Variants in MIPOL1 observed in about 807,000 individuals in gnomAD.
The protein encoded by MIPOL1 is mirror-image polydactyly gene 1 protein.
In MIPOL1, 57 loss-of-function variants were observed where a neutral mutation model predicts 60.9. That is an observed-to-expected ratio of 0.94 (90% CI 0.76 to 1.17). The LOEUF (loss-of-function observed/expected upper bound fraction) is 1.17, where lower values mean the gene tolerates loss of function less well. Ranked by LOEUF, MIPOL1 falls within the 50% of genes most tolerant of loss-of-function variation. MIPOL1 has a pLI of 0.00. For missense variants in MIPOL1, 551 were observed against 511.6 expected, an observed-to-expected ratio of 1.08 and a Z score of -0.74; for synonymous variants, 179 against 168.8, an observed-to-expected ratio of 1.06 and a Z score of -0.47.
chr14:37,293,964 G>C (rs1038784263), intron 7 of MIPOL1, among the ~76,000 whole-genome samples: 4 of 152,190 alleles, frequency 2.6e-5, no homozygotes, highest in African/African-American at 7.2e-5. Flanking sequence ...GAGAGTAGTG[G>C]TTCTTCCAGC....
At chr14:37,410,537 G>C (rs527495621) in intron 10 of MIPOL1, among the ~76,000 whole-genome samples, 56 of 152,084 alleles carry the variant, frequency 3.7e-4, no homozygotes, top group Non-Finnish European at 6.9e-4. Context: ...ACAGGTACAT[G>C]GTTCTATAAG....
intron 10 of MIPOL1, among the ~76,000 whole-genome samples, chr14:37,393,601 A>G (rs1299697683): frequency 6.6e-6 from 1 of 151,710 alleles, no homozygotes; most frequent in Non-Finnish European, 1.5e-5. Context: ...ACTTACCTTT[A>G]TTGTGTTTCT....
rs1309830058 is a variant in MIPOL1, at chr14:37,308,362, T to G, written c.671T>G (p.Leu224Ter). Residue 224 changes from leucine to a stop codon, truncating the protein, a stop_gained, in exon 9 of 13, where the codon TTA (leucine) becomes TGA (stop). Coordinates refer to ENST00000684589, the MANE Select transcript of MIPOL1 (RefSeq NM_001388067.1). LOFTEE classifies it high-confidence loss of function. ...TGGTGTTGGTAGACATTACAGGAAT[T>G]ACTGAACAGAATAAACAATGCAGAC... ...PEENDMTLQE[L>*]LNRINNADTG... 1 of 1,559,512 alleles carries G rather than the reference T, an allele frequency of 6.4e-7. No homozygotes were observed. The highest frequency in any genetic ancestry group is 8.6e-7 in the Non-Finnish European group (1 of 1,159,124).
chr14:37,392,654 G>C (rs1024802097), intron 10 of MIPOL1, among the ~76,000 whole-genome samples: 1 of 152,068 alleles, frequency 6.6e-6, no homozygotes, highest in African/African-American at 2.4e-5. Context: ...GTTAGCTGTG[G>C]TTTTTTTGTA....
intron 11 of MIPOL1, among the ~76,000 whole-genome samples, chr14:37,424,767 A>G (rs1414747072): frequency 3.3e-5 from 5 of 152,064 alleles, no homozygotes; most frequent in Non-Finnish European, 7.4e-5. Context: ...ACATCCTACC[A>G]ACCTACTTTA....
intron 11 of MIPOL1, among the ~76,000 whole-genome samples, chr14:37,482,246 G>T (rs1052517168): frequency 6.6e-6 from 1 of 152,044 alleles, no homozygotes; most frequent in Non-Finnish European, 1.5e-5. Flanking sequence ...AAAACACCCA[G>T]TTTAAAAATG....
intron 12 of MIPOL1, among the ~76,000 whole-genome samples, chr14:37,526,036 A>G (rs1176356578): frequency 6.6e-6 from 1 of 152,148 alleles, no homozygotes; most frequent in African/African-American, 2.4e-5. Context: ...TTATCATAGT[A>G]TTTCTAAGAG....
intron 7 of MIPOL1, among the ~76,000 whole-genome samples, chr14:37,292,070 C>T (rs1247045790): frequency 3.3e-5 from 5 of 151,676 alleles, no homozygotes; most frequent in Admixed American, 1.3e-4. Flanking sequence ...GGGCTACAGG[C>T]GCCTGCCACC....
chr14:37,253,876 T>G (rs530343729), intron 3 of MIPOL1, among the ~76,000 whole-genome samples: 2 of 151,748 alleles, frequency 1.3e-5, no homozygotes, highest in Non-Finnish European at 3.0e-5. Flanking sequence ...ATCTCCAGAT[T>G]AGTGGCATCA....
chr14:37,535,923 C>T (rs1884803), intron 12 of MIPOL1, among the ~76,000 whole-genome samples: 98,855 of 151,688 alleles, frequency 0.65, 32,639 homozygotes, highest in East Asian at 0.84. Context: ...CTTTTGGAGA[C>T]AGGATCTTGC....
At chr14:37,487,964 G>A (rs1487518208) in intron 11 of MIPOL1, among the ~76,000 whole-genome samples, 2 of 152,118 alleles carry the variant, frequency 1.3e-5, no homozygotes, top group East Asian at 3.8e-4. Flanking sequence ...TCTCTTGTGG[G>A]CATTTAGTGC....
At chr14:37,404,323 A>G (rs1024956855) in intron 10 of MIPOL1, among the ~76,000 whole-genome samples, 1 of 152,220 alleles carries the variant, frequency 6.6e-6, no homozygotes, top group African/African-American at 2.4e-5. Context: ...CTAGGGAACA[A>G]GACACTGGTA....
At chr14:37,478,018 T>TG (rs2094804559) in intron 11 of MIPOL1, among the ~76,000 whole-genome samples, 1 of 152,220 alleles carries the variant, frequency 6.6e-6, no homozygotes, top group South Asian at 2.1e-4. Context: ...GCGTTTATGT[T>TG]TATCTGTAGC....
At chr14:37,327,208 G>A (rs2089244675) in intron 9 of MIPOL1, among the ~76,000 whole-genome samples, 1 of 152,166 alleles carries the variant, frequency 6.6e-6, no homozygotes, top group South Asian at 2.1e-4. Flanking sequence ...AAACTATGCA[G>A]TGTGTGGAAG....
intron 11 of MIPOL1, among the ~76,000 whole-genome samples, chr14:37,441,548 T>C (rs2094244476): frequency 6.6e-6 from 1 of 152,172 alleles, no homozygotes; most frequent in Non-Finnish European, 1.5e-5. Context: ...GCTGTAAATA[T>C]GTGGCTTTCT....
intron 10 of MIPOL1, among the ~76,000 whole-genome samples, chr14:37,420,459 T>A (rs897072650): frequency 1.3e-5 from 2 of 152,208 alleles, no homozygotes; most frequent in African/African-American, 2.4e-5. Context: ...AAATATCTTG[T>A]TTGTTAATTT....
At chr14:37,552,074 A>G (rs533320209), downstream of MIPOL1, 3 of 152,166 alleles carry the variant, frequency 2.0e-5, no homozygotes, top group African/African-American at 4.8e-5. Flanking sequence ...GTAGCACTCT[A>G]TCACCTGGAG....
chr14:37,481,280 C>T (rs1340070402), intron 11 of MIPOL1, among the ~76,000 whole-genome samples: 3 of 151,890 alleles, frequency 2.0e-5, no homozygotes, highest in African/African-American at 7.3e-5. Flanking sequence ...CAATAGCTAC[C>T]CCCTAAAAAA....
At chr14:37,220,422 TATC>T (rs991532937) in intron 1 of MIPOL1, among the ~76,000 whole-genome samples, 1 of 152,222 alleles carries the variant, frequency 6.6e-6, no homozygotes, top group African/African-American at 2.4e-5. Flanking sequence ...ATACTTTTAT[TATC>T]TTTTAAGTTT....
Sources: gnomAD v4.1 joint callset for allele counts (sites outside exome capture counted in the v4.1 genomes callset) on GRCh38, gnomAD v4.1.1 for gene constraint, MANE v1.5 for transcripts, NCBI Gene and HGNC (gene_info 2026-07-23, HGNC 2026-07-21) for gene names.